The following CSF2RA variants were observed in gnomAD, a reference collection of about 807,000 sequenced individuals.
CSF2RA encodes the protein colony stimulating factor 2 receptor subunit alpha.
Under a neutral mutation model 51.6 loss-of-function variants are expected in CSF2RA, and 42 were observed. The ratio of observed to expected loss-of-function variants is 0.81; its 90% CI spans 0.64 to 1.05. The LOEUF is 1.05. Ranked by LOEUF, CSF2RA falls within the 50% of genes least tolerant of loss-of-function variation. The probability of loss-of-function intolerance (pLI) is 0.00; values close to 1 mark genes in which losing one functional copy is unlikely to be tolerated. For missense variants in CSF2RA, 530 were observed against 501.1 expected (o/e 1.06, Z -0.55); for synonymous variants, 222 against 193.0 (o/e 1.15, Z -1.24).
chrX:1,288,096 G>C (rs188450728), intron 4 of CSF2RA, among the ~76,000 whole-genome samples: 2 of 151,986 alleles, frequency 1.3e-5, no homozygotes, highest in Non-Finnish European at 1.5e-5. Flanking sequence ...CTGCAAGCTG[G>C]TATTCAGCGT....
downstream of CSF2RA, among the ~76,000 whole-genome samples, chrX:1,311,760 A>G (rs1475384429): frequency 2.6e-5 from 4 of 151,958 alleles, no homozygotes; most frequent in African/African-American, 9.7e-5. Context: ...TCTCTTTAAA[A>G]TACATCACCC....
chrX:1,302,283 G>A (rs2083068023), intron 10 of CSF2RA, among the ~76,000 whole-genome samples: 1 of 152,062 alleles, frequency 6.6e-6, no homozygotes, highest in Admixed American at 6.6e-5. Context: ...CTCTGAAGAT[G>A]ATTTTGAGGG....
intron 9 of CSF2RA, 80 bp from the exon 10 acceptor site, chrX:1,300,411 A>G: frequency 1.1e-5 from 17 of 1,529,468 alleles, no homozygotes; most frequent in Non-Finnish European, 1.5e-5. Flanking sequence ...AAAAAACTTA[A>G]AAGACAAAAG....
the CSF2RA span, among the ~76,000 whole-genome samples, chrX:1,318,699 C>G: frequency 6.6e-6 from 1 of 151,612 alleles, no homozygotes; most frequent in South Asian, 2.1e-4. Flanking sequence ...AGGCAGATCA[C>G]AAGGTCAGGA....
chrX:1,308,139 G>T (rs1432289649), intron 12 of CSF2RA, among the ~76,000 whole-genome samples: 2 of 152,122 alleles, frequency 1.3e-5, no homozygotes, highest in Admixed American at 6.6e-5. Context: ...TCTTTTCCTG[G>T]AAATCAGCTG....
chrX:1,307,390 C>CCCCTTCAG (rs2083693161), intron 12 of CSF2RA, among the ~76,000 whole-genome samples: 1 of 147,806 alleles, frequency 6.8e-6, no homozygotes, highest in African/African-American at 2.5e-5. Flanking sequence ...CCCACCATTC[C>CCCCTTCAG]CCTTTAGACC....
chrX:1,315,902 TAG>T, the CSF2RA span, among the ~76,000 whole-genome samples: 52 of 151,858 alleles, frequency 3.4e-4, 1 homozygote, highest in African/African-American at 1.2e-3. Context: ...AGATGGATAA[TAG>T]ATGATGGATA....
At chrX:1,279,228 G>A (rs2089587825) in intron 2 of CSF2RA, among the ~76,000 whole-genome samples, 1 of 150,458 alleles carries the variant, frequency 6.6e-6, no homozygotes, top group East Asian at 1.9e-4. Context: ...GTGCGTGCCT[G>A]TAGTCCCAGC....
Position 1,304,026 on chromosome X carries a change from T to G in CSF2RA, c.1043+7T>G. On this transcript the variant is annotated splice_region_variant and intron_variant, in intron 11 of 12. Transcript: ENST00000381529. ...TCGGCTTCCTCTTTAAAAGGTAACC[T>G]GTGAAACACCTGGGCCTCCCCAATG... 5.6e-6 allele frequency: 9 copies of G among 1,610,136 alleles called. No individual in the cohort carries two copies. Among genetic ancestry groups the G allele is most frequent in the Non-Finnish European group, 7.6e-6 (9 of 1,177,838 alleles).
chrX:1,282,999 C>T (rs1163606189), intron 3 of CSF2RA, among the ~76,000 whole-genome samples: 3 of 152,128 alleles, frequency 2.0e-5, no homozygotes, highest in South Asian at 4.2e-4. Context: ...GATGAGAAAA[C>T]GGAGGCTCAG....
In CSF2RA at chrX:1,295,172, C is replaced by T. The variant is rs28579512; in HGVS notation, c.781-255C>T. On this transcript the variant is annotated intron_variant, in intron 8 of 12. Transcript: ENST00000381529. ...CATGTCTACCTGGACGACAGGAGAA[C>T]ACCCTGCCCCAAGGCCAGTGGGACC... is the stretch of plus-strand genomic sequence containing the variant. Among the ~76,000 whole-genome samples, 50,535 of 151,358 alleles carry T rather than the reference C, an allele frequency of 0.33. 8,784 individuals are homozygous for T. Among genetic ancestry groups the T allele is most frequent in the Middle Eastern group, 0.43 (127 of 294 alleles).
Position 1,281,856 on chromosome X carries a change from A to G in CSF2RA, c.-26-822A>G, listed in dbSNP as rs188199882. The stretch of plus-strand genomic sequence containing the variant: ...TCCTCTTCTTTTTTTTTTTTTTTTC[A>G]CTTTCCTTTTATAGCTGTTGCAAAA... On this transcript the variant is annotated intron_variant, in intron 2 of 12. Coordinates refer to ENST00000381529, the MANE Select transcript of CSF2RA (RefSeq NM_172245.4). 609 of 87,146 alleles carry G rather than the reference A, an allele frequency of 7.0e-3. 5 individuals carry two copies. Among genetic ancestry groups the G allele is most frequent in the African/African-American group, 0.028 (598 of 21,512 alleles). The allele number at this position is 87,146 out of a possible 1,614,324, so 5.4% of individuals were successfully genotyped here. A position where few individuals can be genotyped will look rare whatever the true frequency, so the allele number is the denominator to read the frequency against.
rs1353776410 is a variant in CSF2RA, at chrX:1,285,934, C to G, written c.219+14C>G. ...GTGGAACCCAGGGTGAGACGAATTT[C>G]CCATTCTCAACCCCTGTCCTTTACA... On this transcript the variant is annotated intron_variant, in intron 4 of 12. Transcript: ENST00000381529. The G allele has an allele frequency of 3.1e-6, 5 of 1,613,664 alleles. No homozygotes were observed. The highest frequency in any genetic ancestry group is 1.3e-5 in the African/African-American group (1 of 74,886).
At chrX:1,294,218 C>T in intron 7 of CSF2RA, 110 bp from the exon 8 acceptor site, 1 of 1,388,998 alleles carries the variant, frequency 7.2e-7, no homozygotes, top group Non-Finnish European at 1.0e-6. Flanking sequence ...CCTACTCCAC[C>T]TCCACCTGGA....
intron 8 of CSF2RA, 63 bp downstream of exon 8, chrX:1,294,524 G>A (rs1323974650): frequency 6.2e-7 from 1 of 1,605,866 alleles, no homozygotes. Context: ...GCCCGCACAG[G>A]AGCCTGGGAA....
chrX:1,273,460 A>C (rs1486506735), intron 1 of CSF2RA, among the ~76,000 whole-genome samples: 6 of 151,826 alleles, frequency 4.0e-5, no homozygotes, highest in African/African-American at 1.2e-4. Context: ...CGTAATATGC[A>C]TGAGCCATCG....
chrX:1,272,022 C>T (rs1258462399), intron 1 of CSF2RA, among the ~76,000 whole-genome samples: 2 of 150,804 alleles, frequency 1.3e-5, no homozygotes, highest in Non-Finnish European at 2.9e-5. Context: ...GGCATGATCT[C>T]GGCTCACTGC....
At chrX:1,295,923 C>T (rs1482272637) in intron 9 of CSF2RA, among the ~76,000 whole-genome samples, 5 of 133,576 alleles carry the variant, frequency 3.7e-5, no homozygotes, top group African/African-American at 5.8e-5. Context: ...TGACCTCCAG[C>T]GTAACCCTAC....
intron 9 of CSF2RA, among the ~76,000 whole-genome samples, chrX:1,298,874 C>A (rs1277939641): frequency 6.6e-6 from 1 of 152,124 alleles, no homozygotes; most frequent in East Asian, 1.9e-4. Flanking sequence ...GGAGAGCCTG[C>A]CCCACGTCTA....
Sources: gnomAD v4.1 joint callset for allele counts (sites outside exome capture counted in the v4.1 genomes callset) on GRCh38, gnomAD v4.1.1 for gene constraint, MANE v1.5 for transcripts, NCBI Gene and HGNC (gene_info 2026-07-23, HGNC 2026-07-21) for gene names.